The following SEC23A variants were observed in gnomAD, a reference collection of about 807,000 sequenced individuals.
SEC23A encodes the protein protein transport protein Sec23A.
In SEC23A, 56 loss-of-function variants were observed where a neutral mutation model predicts 103.7. That is an observed-to-expected ratio of 0.54 (90% CI 0.44 to 0.67). The LOEUF (loss-of-function observed/expected upper bound fraction) is 0.67. Ranked by LOEUF, SEC23A falls within the 30% of genes least tolerant of loss-of-function variation. The probability of loss-of-function intolerance (pLI) is 0.00; values close to 1 mark genes in which losing one functional copy is unlikely to be tolerated. For missense variants in SEC23A, 784 were observed against 936.4 expected (o/e 0.84, Z 2.12); for synonymous variants, 281 against 293.0 (o/e 0.96, Z 0.42).
intron 1 of SEC23A, among the ~76,000 whole-genome samples, chr14:39,099,094 T>C (rs887961565): frequency 2.6e-5 from 4 of 151,412 alleles, no homozygotes; most frequent in Admixed American, 6.6e-5. Flanking sequence ...AAACAACTTA[T>C]AGTATTTTTT....
intron 5 of SEC23A, among the ~76,000 whole-genome samples, chr14:39,089,046 C>T (rs183798830): frequency 1.3e-3 from 198 of 151,258 alleles, no homozygotes; most frequent in African/African-American, 4.3e-3. Context: ...TGGTGGCATG[C>T]GCCTGTAGTC....
chr14:39,070,508 T>C (rs1886809056), intron 9 of SEC23A, among the ~76,000 whole-genome samples: 1 of 152,118 alleles, frequency 6.6e-6, no homozygotes, highest in South Asian at 2.1e-4. Flanking sequence ...ATAAAAAGGA[T>C]TATACGCCAT....
rs1473234420 is a variant in SEC23A, at chr14:39,094,440, ATATTTT to A, written c.222-1202_222-1197del. Among the ~76,000 whole-genome samples the A allele has an allele frequency of 6.7e-3, 87 of 13,078 alleles. 13 individuals carry two copies. Among genetic ancestry groups the A allele is most frequent in the Middle Eastern group, 0.056 (1 of 18 alleles). The allele number at this position is 13,078 out of a possible 152,430, so 8.6% of individuals were successfully genotyped here. ...TATATATATATATATATATATATAT[ATATTTT>A]TTTTTTTTTTTTTTCCCCTCCTGTA... On this transcript the variant is annotated intron_variant, in intron 2 of 19. Transcript: ENST00000307712.
intron 13 of SEC23A, among the ~76,000 whole-genome samples, chr14:39,058,017 C>T (rs1312468426): frequency 1.3e-5 from 2 of 152,190 alleles, no homozygotes; most frequent in Non-Finnish European, 2.9e-5. Flanking sequence ...TGATACTACA[C>T]ATAAAATAGC....
chr14:39,042,269 C>T (rs1194658173), intron 17 of SEC23A, among the ~76,000 whole-genome samples: 1 of 152,234 alleles, frequency 6.6e-6, no homozygotes, highest in Non-Finnish European at 1.5e-5. Flanking sequence ...AGGAATGCAT[C>T]AAGGTCTGCT....
intron 2 of SEC23A, among the ~76,000 whole-genome samples, chr14:39,093,702 A>C (rs1233660083): frequency 6.6e-6 from 1 of 152,208 alleles, no homozygotes; most frequent in Non-Finnish European, 1.5e-5. Context: ...TCAAAGATAC[A>C]GTGAGCCACA....
intron 9 of SEC23A, among the ~76,000 whole-genome samples, chr14:39,071,596 G>T (rs1225425265): frequency 6.6e-6 from 1 of 152,010 alleles, no homozygotes; most frequent in Non-Finnish European, 1.5e-5. Context: ...TGGGCACGGT[G>T]GCTCAGGCCT....
At chr14:39,076,953 G>A (rs943145810) in intron 7 of SEC23A, among the ~76,000 whole-genome samples, 2 of 150,522 alleles carry the variant, frequency 1.3e-5, no homozygotes, top group Non-Finnish European at 3.0e-5. Context: ...GAGGCTGGAC[G>A]CAGTGGCTGA....
chr14:39,078,308 T>A (rs1323596262), intron 7 of SEC23A, among the ~76,000 whole-genome samples: 2 of 151,944 alleles, frequency 1.3e-5, no homozygotes, highest in Admixed American at 6.6e-5. Flanking sequence ...ATGCAAGCAG[T>A]AGATCAGAAA....
intron 9 of SEC23A, among the ~76,000 whole-genome samples, chr14:39,072,822 A>G (rs1429027290): frequency 6.6e-6 from 1 of 152,148 alleles, no homozygotes; most frequent in Admixed American, 6.6e-5. Context: ...AAAAAAAATT[A>G]ATTAAAATAC....
At chr14:39,035,890 T>C (rs1174395157) in intron 19 of SEC23A, among the ~76,000 whole-genome samples, 1 of 152,184 alleles carries the variant, frequency 6.6e-6, no homozygotes, top group African/African-American at 2.4e-5. Context: ...CATGCAATTG[T>C]AGGACGGTGC....
At chr14:39,093,794 A>G (rs1042397895) in intron 2 of SEC23A, among the ~76,000 whole-genome samples, 41 of 152,016 alleles carry the variant, frequency 2.7e-4, no homozygotes, top group African/African-American at 9.7e-4. Context: ...TACAGCAAAT[A>G]TCAATAAAAT....
At chr14:39,065,036 C>G (rs370334631) in intron 10 of SEC23A, 43 bp from the exon 11 acceptor site, 3 of 1,257,914 alleles carry the variant, frequency 2.4e-6, no homozygotes, top group Non-Finnish European at 3.5e-6. Context: ...CTCAAAGATA[C>G]GTTCAAATGT....
chr14:39,084,017 CTA>C (rs978851376), intron 7 of SEC23A, among the ~76,000 whole-genome samples: 1 of 151,712 alleles, frequency 6.6e-6, no homozygotes, highest in African/African-American at 2.4e-5. Context: ...TTTTTAAAAA[CTA>C]TTTTGTTTTG....
In SEC23A at chr14:39,076,082, G is replaced by A; in HGVS notation, c.840C>T (p.Pro280=). 6.2e-7 allele frequency: 1 copy of A among 1,611,174 alleles called. No individual in the cohort carries two copies. Among genetic ancestry groups the A allele is most frequent in the Non-Finnish European group, 8.5e-7 (1 of 1,178,494 alleles). Residue 280 remains proline, a synonymous_variant, in exon 8 of 20, where the codon CCC becomes CCT. Coordinates refer to ENST00000307712, the MANE Select transcript of SEC23A (RefSeq NM_006364.4). The stretch of plus-strand genomic sequence containing the variant: ...ACATCATGATACGAGCACCAGTGTT[G>A]GGAAAAGTACACTATTAAAAAAAAA... ...IAVGLLECTF[P]NTGARIMMFI...
intron 14 of SEC23A, 72 bp downstream of exon 14, chr14:39,055,071 G>T: frequency 1.3e-6 from 2 of 1,570,954 alleles, no homozygotes; most frequent in South Asian, 1.1e-5. Context: ...CTTTGAAAGA[G>T]ATTATCTGCA....
At chr14:39,091,124 TA>T in intron 5 of SEC23A, 1 of 376,584 alleles carries the variant, frequency 2.7e-6, no homozygotes. Context: ...ACATGTTCAA[TA>T]AAAAAGCTGA....
At position 39,072,593 on chromosome 14, in the gene SEC23A, G is replaced by A. The variant is rs549345808; in HGVS notation, c.1103+1822C>T. Among the ~76,000 whole-genome samples the A allele has an allele frequency of 9.9e-5, 15 of 152,032 alleles. No individual in the cohort carries two copies. The South Asian group carries it at 2.9e-3, about 29-fold the overall frequency. On this transcript the variant is annotated intron_variant, in intron 9 of 19. Transcript: ENST00000307712. ...TTTGAGAGGCAGAGGCAGGAGGATC[G>A]AGCCCAGGAGTTCGAGACCAGCCTG... is the stretch of plus-strand genomic sequence containing the variant.
intron 8 of SEC23A, among the ~76,000 whole-genome samples, chr14:39,075,054 T>A (rs935951940): frequency 6.6e-6 from 1 of 151,714 alleles, no homozygotes; most frequent in Non-Finnish European, 1.5e-5. Context: ...TTACAGTGAG[T>A]GGAGATCATG....
Sources: allele counts gnomAD v4.1 joint callset (sites outside exome capture counted in the v4.1 genomes callset), GRCh38; gene constraint gnomAD v4.1.1; transcripts MANE v1.5; gene names NCBI Gene and HGNC (gene_info 2026-07-23, HGNC 2026-07-21).